PRR5L: variants seen among roughly 807,000 people sequenced by gnomAD.
PRR5L encodes the protein proline-rich protein 5-like.
A neutral mutation model predicts 36.4 loss-of-function variants in PRR5L; 21 were observed. That is an observed-to-expected ratio of 0.58 (90% CI 0.41 to 0.83). PRR5L has a LOEUF of 0.83. Among genes scored for constraint, PRR5L ranks in the 40% least tolerant of loss-of-function variants. PRR5L has a pLI of 0.00. For synonymous variants in PRR5L, 188 were observed against 197.0 expected (o/e 0.95, Z 0.38); for missense variants, 381 against 473.3 (o/e 0.80, Z 1.81).
At chr11:36,332,233 C>T (rs1856726430) in intron 1 of PRR5L, among the ~76,000 whole-genome samples, 1 of 152,112 alleles carries the variant, frequency 6.6e-6, no homozygotes, top group Non-Finnish European at 1.5e-5. Context: ...TGAATGCCAA[C>T]ACCATCATTT....
intron 1 of PRR5L, among the ~76,000 whole-genome samples, chr11:36,340,903 G>C (rs796788111): frequency 6.6e-6 from 1 of 152,340 alleles, no homozygotes; most frequent in East Asian, 1.9e-4. Flanking sequence ...CAGTGACTCT[G>C]GGGCCATCTC....
chr11:36,449,149 C>T (rs1317729886), intron 7 of PRR5L, among the ~76,000 whole-genome samples: 1 of 152,160 alleles, frequency 6.6e-6, no homozygotes, highest in African/African-American at 2.4e-5. Context: ...TGTGAAGAAC[C>T]CGGATCTTTC....
rs146179420 is a variant in PRR5L, at chr11:36,358,856, C to T, written c.-125-42141C>T. Among the ~76,000 whole-genome samples, 243 of 152,314 alleles carry T rather than the reference C, an allele frequency of 1.6e-3. 2 individuals are homozygous for T. Among genetic ancestry groups the T allele is most frequent in the African/African-American group, 5.7e-3 (237 of 41,562 alleles). ...AGATACTGAAGAGGAAGGAAAGATA[C>T]TTCATACATCTGGGAGGCGATAGTG... On this transcript the variant is annotated intron_variant, in intron 1 of 8. Transcript: ENST00000530639.
rs1440921616 is a variant in PRR5L, at chr11:36,437,425, C to T, written c.393C>T (p.His131=). 2 of 1,613,336 alleles carry T rather than the reference C, an allele frequency of 1.2e-6. No homozygotes were observed. The highest frequency in any genetic ancestry group is 4.5e-5 in the East Asian group (2 of 44,882). ...AGGTTCTGGCTGAAGTCTGGGACCA[C>T]TTCTTCACTGAGACTCTCCCTACCC... The part of the protein sequence containing the change: ...RIEVLAEVWD[H]FFTETLPTLQ... The change falls in exon 6 of 9, where the codon CAC becomes CAT. Residue 131 remains histidine, a synonymous_variant. Transcript: ENST00000530639.
At chr11:36,389,395 G>A (rs943729013) in intron 1 of PRR5L, among the ~76,000 whole-genome samples, 6 of 152,038 alleles carry the variant, frequency 3.9e-5, no homozygotes, top group Admixed American at 2.0e-4. Context: ...AGCTTTTTGC[G>A]CCCCTACTCA....
intron 1 of PRR5L, among the ~76,000 whole-genome samples, chr11:36,397,071 T>TC (rs202110887): frequency 1.4e-3 from 202 of 146,560 alleles, no homozygotes; most frequent in African/African-American, 3.4e-3. Flanking sequence ...TCTTTTCTTT[T>TC]TTTTTTTTTT....
chr11:36,358,608 T>C (rs559439494), intron 1 of PRR5L, among the ~76,000 whole-genome samples: 1 of 152,344 alleles, frequency 6.6e-6, no homozygotes, highest in African/African-American at 2.4e-5. Flanking sequence ...TTTATTGTGA[T>C]ATTATTATTC....
intron 1 of PRR5L, among the ~76,000 whole-genome samples, chr11:36,314,790 A>G (rs2133458360): frequency 6.6e-6 from 1 of 152,342 alleles, no homozygotes; most frequent in Admixed American, 6.5e-5. Context: ...AGACATCCAA[A>G]TGTCCATTCC....
chr11:36,397,940 C>T (rs1857702469), intron 1 of PRR5L, among the ~76,000 whole-genome samples: 1 of 152,066 alleles, frequency 6.6e-6, no homozygotes, highest in Non-Finnish European at 1.5e-5. Context: ...GGATTAAAGG[C>T]ATGCGCCCCC....
At chr11:36,379,109 T>A (rs557365212) in intron 1 of PRR5L, among the ~76,000 whole-genome samples, 21 of 152,362 alleles carry the variant, frequency 1.4e-4, no homozygotes, top group Admixed American at 5.9e-4. Context: ...ATATTGGTTA[T>A]CTGAAAATCT....
chr11:36,351,473 ACATATATATTTATATATTTATATATAT>A (rs1856952817), intron 1 of PRR5L, among the ~76,000 whole-genome samples: 1 of 45,992 alleles, frequency 2.2e-5, no homozygotes, highest in African/African-American at 8.6e-5. Context: ...ATTTATATAT[ACATATATATTTATATATTTATATATAT>A]TTTTATATAT....
In PRR5L at chr11:36,392,735, C is replaced by CAGAG. The variant is rs1564934093; in HGVS notation, c.-125-8259_-125-8256dup. On this transcript the variant is annotated intron_variant, in intron 1 of 8. Coordinates refer to ENST00000530639, the MANE Select transcript of PRR5L (RefSeq NM_001160167.2). ...AAAGCATAGTGACAGGAGAGAGAGA[C>CAGAG]AGAGAGCAAGGCTGGAACTGCCACA... is the stretch of plus-strand genomic sequence containing the variant. 1.3e-4 allele frequency among the ~76,000 whole-genome samples: 20 copies of CAGAG among 152,150 alleles called. 1 individual carries two copies. The South Asian group carries it at 4.0e-3, about 30-fold the overall frequency.
intron 3 of PRR5L, among the ~76,000 whole-genome samples, chr11:36,409,914 A>G (rs1257263505): frequency 6.6e-6 from 1 of 152,220 alleles, no homozygotes; most frequent in East Asian, 1.9e-4. Flanking sequence ...CCACATGCTT[A>G]AACCCTTAGT....
At chr11:36,302,800 TA>T (rs1856391083) in intron 1 of PRR5L, among the ~76,000 whole-genome samples, 1 of 151,482 alleles carries the variant, frequency 6.6e-6, no homozygotes, top group Non-Finnish European at 1.5e-5. Flanking sequence ...AAAATAAAAA[TA>T]AAAATAAAAA....
chr11:36,353,674 C>G (rs1478778924), intron 1 of PRR5L, among the ~76,000 whole-genome samples: 3 of 152,160 alleles, frequency 2.0e-5, no homozygotes, highest in Non-Finnish European at 4.4e-5. Context: ...TCATAAGGAG[C>G]ACACAACCTA....
intron 6 of PRR5L, among the ~76,000 whole-genome samples, chr11:36,437,939 C>T (rs771400085): frequency 5.3e-5 from 8 of 152,014 alleles, no homozygotes; most frequent in Non-Finnish European, 1.0e-4. Flanking sequence ...GTAAGGGATC[C>T]TACGTGATTT....
At chr11:36,366,683 G>C (rs1447296972) in intron 1 of PRR5L, among the ~76,000 whole-genome samples, 2 of 152,146 alleles carry the variant, frequency 1.3e-5, no homozygotes, top group African/African-American at 4.8e-5. Flanking sequence ...ATCCCTCAAA[G>C]CTTACTTTGT....
chr11:36,438,922 A>C lies in PRR5L; in HGVS notation c.444+1446A>C, dbSNP rs745406643. On this transcript the variant is annotated intron_variant, in intron 6 of 8. Transcript: ENST00000530639. ...TGCACTACAACCTGGGTGACAGAGCAAAACCCTGTCTCGAAATAAATAAAT... is the reference window on the plus strand; with the variant it reads ...TGCACTACAACCTGGGTGACAGAGCCAAACCCTGTCTCGAAATAAATAAAT... Among the ~76,000 whole-genome samples the C allele has an allele frequency of 7.2e-5, 11 of 152,178 alleles. No homozygotes were observed. In the East Asian group the frequency reaches 2.1e-3, roughly 29 times the overall value.
rs7933726 is a variant in PRR5L at position 36,400,888 on chromosome 11, G to T, written c.-125-109G>T. The T allele has an allele frequency of 0.08, 64,393 of 800,332 alleles. 3,023 individuals are homozygous for T. The highest frequency in any genetic ancestry group is 0.17 in the East Asian group (5,313 of 30,672). The allele number at this position is 800,332 out of a possible 1,614,324, so 49.6% of individuals were successfully genotyped here. A position where few individuals can be genotyped will look rare whatever the true frequency, so the allele number is the denominator to read the frequency against. On this transcript the variant is annotated intron_variant, in intron 1 of 8. Coordinates refer to ENST00000530639, the MANE Select transcript of PRR5L (RefSeq NM_001160167.2). ...TGCCAGGGAATAGATGCTATTGCTGGGTCCCGCAGTTGTTTTCGGGGTAGT... is the reference window on the plus strand; with the variant it reads ...TGCCAGGGAATAGATGCTATTGCTGTGTCCCGCAGTTGTTTTCGGGGTAGT...
Sources: gnomAD v4.1 joint callset for allele counts (sites outside exome capture counted in the v4.1 genomes callset) on GRCh38, gnomAD v4.1.1 for gene constraint, MANE v1.5 for transcripts, NCBI Gene and HGNC (gene_info 2026-07-23, HGNC 2026-07-21) for gene names.